CSMD1: variants seen among roughly 807,000 people sequenced by gnomAD.
CSMD1 encodes CUB and sushi domain-containing protein 1.
In CSMD1, 213 loss-of-function variants were observed where a neutral mutation model predicts 417.5. That is an observed-to-expected ratio of 0.51 (90% CI 0.46 to 0.57). The LOEUF (loss-of-function observed/expected upper bound fraction) is 0.57, where lower values mean the gene tolerates loss of function less well. Among genes scored for constraint, CSMD1 ranks in the 20% least tolerant of loss-of-function variants. CSMD1 has a pLI of 0.00. For missense variants in CSMD1, 6,923 were observed against 4,529.7 expected (o/e 1.53, Z -15.17); for synonymous variants, 2,862 against 1,736.8 (o/e 1.65, Z -16.11).
intron 3 of CSMD1, among the ~76,000 whole-genome samples, chr8:4,231,935 C>T (rs200751529): frequency 4.6e-5 from 7 of 152,216 alleles, no homozygotes; most frequent in African/African-American, 4.8e-5. Context: ...ATGTGTTTTC[C>T]TTCTTCCTTT....
intron 2 of CSMD1, among the ~76,000 whole-genome samples, chr8:4,504,315 G>C (rs1802410335): frequency 6.6e-6 from 1 of 152,156 alleles, no homozygotes; most frequent in South Asian, 2.1e-4. Context: ...GCCAGGTGTA[G>C]GGAAGAAAGG....
chr8:4,207,351 A>T (rs1053548076), intron 3 of CSMD1, among the ~76,000 whole-genome samples: 5 of 152,190 alleles, frequency 3.3e-5, no homozygotes, highest in African/African-American at 1.2e-4. Context: ...ACTAGCAACA[A>T]ATTAGCTTAA....
chr8:3,809,877 G>A (rs571345830), intron 5 of CSMD1, among the ~76,000 whole-genome samples: 10 of 152,200 alleles, frequency 6.6e-5, no homozygotes, highest in South Asian at 2.1e-4. Context: ...AATATCACCC[G>A]TTACGTACCT....
chr8:3,388,204 C>T (rs62503521), intron 17 of CSMD1, among the ~76,000 whole-genome samples: 25,245 of 152,082 alleles, frequency 0.17, 2,201 homozygotes, highest in Middle Eastern at 0.26. Context: ...GTTTGCATTC[C>T]ATAAATCCAT....
intron 2 of CSMD1, among the ~76,000 whole-genome samples, chr8:4,617,838 G>T (rs924568004): frequency 1.3e-5 from 2 of 152,028 alleles, no homozygotes; most frequent in Admixed American, 6.6e-5. Context: ...ATATTCATTG[G>T]AAGAGACCAA....
At chr8:4,532,987 A>T (rs1190516345) in intron 2 of CSMD1, among the ~76,000 whole-genome samples, 1 of 152,196 alleles carries the variant, frequency 6.6e-6, no homozygotes, top group Non-Finnish European at 1.5e-5. Context: ...GTCACTCTGG[A>T]AAAGAAATCC....
At chr8:4,881,411 ATATCTATC>A (rs10659062) in intron 1 of CSMD1, among the ~76,000 whole-genome samples, 1,372 of 134,882 alleles carry the variant, frequency 0.01, 7 homozygotes, top group African/African-American at 0.013. Flanking sequence ...CCTAGTATAC[ATATCTATC>A]TATCTATCTA....
intron 33 of CSMD1, among the ~76,000 whole-genome samples, chr8:3,192,037 A>G (rs1287159363): frequency 6.6e-6 from 1 of 152,190 alleles, no homozygotes; most frequent in African/African-American, 2.4e-5. Context: ...CCAACGACAG[A>G]CATTATTTGG....
chr8:3,049,863 C>A (rs7827977), intron 50 of CSMD1, among the ~76,000 whole-genome samples: 39,310 of 151,940 alleles, frequency 0.26, 5,875 homozygotes, highest in East Asian at 0.36. Context: ...GCACATGTTG[C>A]GGACGGTGTG....
chr8:3,092,046 G>C (rs1312200928), intron 47 of CSMD1, among the ~76,000 whole-genome samples: 2 of 152,096 alleles, frequency 1.3e-5, no homozygotes, highest in African/African-American at 4.8e-5. Context: ...AATCACTTTG[G>C]AGGGCTGTTT....
At chr8:3,805,906 T>C (rs1265708372) in intron 5 of CSMD1, among the ~76,000 whole-genome samples, 2 of 152,144 alleles carry the variant, frequency 1.3e-5, no homozygotes, top group Admixed American at 6.6e-5. Flanking sequence ...CTTCTTGTAG[T>C]GGACATGCTC....
intron 1 of CSMD1, among the ~76,000 whole-genome samples, chr8:4,840,221 C>G (rs1014713889): frequency 6.6e-6 from 1 of 152,256 alleles, no homozygotes; most frequent in Non-Finnish European, 1.5e-5. Context: ...TGAGTCTTTC[C>G]TCTGCCACCA....
chr8:3,545,442 G>A (rs1192612784), intron 10 of CSMD1, among the ~76,000 whole-genome samples: 1 of 152,188 alleles, frequency 6.6e-6, no homozygotes, highest in Admixed American at 6.5e-5. Context: ...TGAAAAGCAG[G>A]TGCAAAACAG....
At position 4,301,313 on chromosome 8, in the gene CSMD1, G is replaced by A. The variant is rs533880155; in HGVS notation, c.415+118640C>T. Reference sequence around the variant, plus strand: ...GCCTTGAGCATCCCAAAATACCAGTGCCATGACCTTTATACTCAACTGTTA... The same window carrying A: ...GCCTTGAGCATCCCAAAATACCAGTACCATGACCTTTATACTCAACTGTTA... On this transcript the variant is annotated intron_variant, in intron 3 of 69. Coordinates refer to ENST00000635120, the MANE Select transcript of CSMD1 (RefSeq NM_033225.6). Among the ~76,000 whole-genome samples, 66 of 152,294 alleles carry A rather than the reference G, an allele frequency of 4.3e-4. 2 individuals carry two copies. In the South Asian group the frequency reaches 9.3e-3, roughly 22 times the overall value.
chr8:4,168,895 A>T (rs1797608189), intron 3 of CSMD1, among the ~76,000 whole-genome samples: 1 of 152,138 alleles, frequency 6.6e-6, no homozygotes, highest in Non-Finnish European at 1.5e-5. Flanking sequence ...AGGACTGCTT[A>T]TCCAACCGCC....
intron 10 of CSMD1, among the ~76,000 whole-genome samples, chr8:3,537,714 A>T (rs879803408): frequency 4.6e-5 from 7 of 152,216 alleles, no homozygotes; most frequent in Admixed American, 2.0e-4. Flanking sequence ...ATATCACTTC[A>T]TACATTATCA....
intron 37 of CSMD1, among the ~76,000 whole-genome samples, chr8:3,178,477 G>A (rs1821080399): frequency 2.0e-5 from 3 of 151,996 alleles, no homozygotes; most frequent in Admixed American, 2.0e-4. Context: ...CACCTTCCTG[G>A]TAGGGTAGTC....
rs141564635 is a variant in CSMD1, at chr8:3,850,053, C to G, written c.819-96011G>C. 5.4e-3 allele frequency among the ~76,000 whole-genome samples: 821 copies of G among 152,264 alleles called. 6 individuals carry two copies. The highest frequency in any genetic ancestry group is 0.019 in the African/African-American group (785 of 41,542). ...TCAGGTGATCCACCAGCCTCAGCCT[C>G]TCAAAGTGTTGGGATTACAGGCATG... On this transcript the variant is annotated intron_variant, in intron 5 of 69. Coordinates refer to ENST00000635120, the MANE Select transcript of CSMD1 (RefSeq NM_033225.6).
intron 1 of CSMD1, among the ~76,000 whole-genome samples, chr8:4,771,464 G>C (rs1194939917): frequency 6.6e-6 from 1 of 152,124 alleles, no homozygotes; most frequent in East Asian, 1.9e-4. Context: ...CACATCCTCC[G>C]TGCGAAGCTC....
Sources: gnomAD v4.1 joint callset for allele counts (sites outside exome capture counted in the v4.1 genomes callset) on GRCh38, gnomAD v4.1.1 for gene constraint, MANE v1.5 for transcripts, NCBI Gene and HGNC (gene_info 2026-07-23, HGNC 2026-07-21) for gene names.